CRNKL1: variants seen among roughly 807,000 people sequenced by gnomAD.
CRNKL1 encodes crooked neck pre-mRNA splicing factor 1, also known as crooked neck-like protein 1.
Under a neutral mutation model 103.7 loss-of-function variants are expected in CRNKL1, and 35 were observed. The observed-to-expected ratio is 0.34, with a 90% confidence interval of 0.26 to 0.45. The LOEUF is 0.45. Among genes scored for constraint, CRNKL1 ranks in the 20% least tolerant of loss-of-function variants. The probability of loss-of-function intolerance (pLI) is 1.00; values close to 1 mark genes in which losing one functional copy is unlikely to be tolerated. For synonymous variants in CRNKL1, 267 were observed against 282.6 expected (o/e 0.94, Z 0.55); for missense variants, 645 against 836.0 (o/e 0.77, Z 2.82).
At chr20:20,043,991 C>T (rs1391065323) in intron 6 of CRNKL1, among the ~76,000 whole-genome samples, 1 of 152,188 alleles carries the variant, frequency 6.6e-6, no homozygotes, top group African/African-American at 2.4e-5. Context: ...TAGGCAAGGC[C>T]TAACCTACAG....
In CRNKL1 at chr20:20,040,670, TC is replaced by T. The variant is rs1202097825; in HGVS notation, c.1305+15del. On this transcript the variant is annotated intron_variant, in intron 10 of 13. Coordinates refer to ENST00000536226, the MANE Select transcript of CRNKL1 (RefSeq NM_001278628.2). Reference sequence around the variant, plus strand: ...CATAGAACTTGATGAGACATCTTGATCCTTTCTTTACTTACCAATGCTCTTC... The same window carrying T: ...CATAGAACTTGATGAGACATCTTGATCTTTCTTTACTTACCAATGCTCTTC... 1.3e-6 allele frequency: 2 copies of T among 1,583,968 alleles called. No homozygotes were observed. The highest frequency in any genetic ancestry group is 1.7e-6 in the Non-Finnish European group (2 of 1,156,290).
chr20:20,040,009 T>G (rs571629123), intron 10 of CRNKL1, among the ~76,000 whole-genome samples, 161 bp from the exon 11 acceptor site: 1 of 152,320 alleles, frequency 6.6e-6, no homozygotes, highest in African/African-American at 2.4e-5. Flanking sequence ...TTACTGGTTC[T>G]TGACAAAAGG....
At chr20:20,052,715 G>C, upstream of CRNKL1, 1 of 1,608,340 alleles carries the variant, frequency 6.2e-7, no homozygotes, top group Non-Finnish European at 8.5e-7. Flanking sequence ...CTGTCGAGCC[G>C]TGGCGCCCTG....
chr20:20,039,495 CTAA>C, intron 11 of CRNKL1, 111 bp downstream of exon 11: 10 of 1,300,086 alleles, frequency 7.7e-6, no homozygotes, highest in Non-Finnish European at 1.1e-5. Context: ...GTAGAAGAGA[CTAA>C]GTTAGTTAGA....
Position 20,048,405 on chromosome 20 carries a change from G to A in CRNKL1, c.393C>T (p.Val131=), listed in dbSNP as rs147954238. The A allele has an allele frequency of 1.5e-4, 248 of 1,614,074 alleles. No homozygotes were observed. The highest frequency in any genetic ancestry group is 1.6e-4 in the Middle Eastern group (1 of 6,084). Residue 131 remains valine (V), a synonymous_variant, in exon 4 of 14, where the codon GTC becomes GTT. Coordinates refer to ENST00000536226, the MANE Select transcript of CRNKL1 (RefSeq NM_001278628.2). Reference sequence around the variant, plus strand: ...GGTCCCAGATATTTCGAGCATGGTTGACTTGGCGATTCTTCATTTCCATTT... The same window carrying A: ...GGTCCCAGATATTTCGAGCATGGTTAACTTGGCGATTCTTCATTTCCATTT... ...YAEMEMKNRQ[V]NHARNIWDRA...
chr20:20,035,003 A>ACTC lies in CRNKL1; in HGVS notation c.*1189_*1191dup. On this transcript the variant is annotated 3_prime_UTR_variant, in exon 14 of 14. Coordinates refer to ENST00000536226, the MANE Select transcript of CRNKL1 (RefSeq NM_001278628.2). ...GAAACACAGTCCAGGTTAAAGGAAAACTCTCAGATCGGTTAATGCAGTTGA... is the reference window on the plus strand; with the variant it reads ...GAAACACAGTCCAGGTTAAAGGAAAACTCCTCTCAGATCGGTTAATGCAGTTGA... 6.6e-6 allele frequency: 1 copy of ACTC among 152,208 alleles called. No individual in the cohort carries two copies. The highest frequency in any genetic ancestry group is 2.4e-5 in the African/African-American group (1 of 41,520). 9.4% of individuals were successfully genotyped at this position (152,208 alleles called of 1,614,324 possible). A position where few individuals can be genotyped will look rare whatever the true frequency, so the allele number is the denominator to read the frequency against.
Position 20,035,480 on chromosome 20 carries a change from T to TTAGA in CRNKL1, c.*711_*714dup, listed in dbSNP as rs1438202349. On this transcript the variant is annotated 3_prime_UTR_variant, in exon 14 of 14. Coordinates refer to ENST00000536226, the MANE Select transcript of CRNKL1 (RefSeq NM_001278628.2). ...ACTGATGAGCGCCTAACTGAAATTATTAGACTAAATTCTTAGTAAACAATG... is the reference window on the plus strand; with the variant it reads ...ACTGATGAGCGCCTAACTGAAATTATTAGATAGACTAAATTCTTAGTAAACAATG... 2.6e-5 allele frequency: 4 copies of TTAGA among 152,338 alleles called. No homozygotes were observed. In the East Asian group the frequency reaches 5.8e-4, roughly 22 times the overall value. The allele number at this position is 152,338 out of a possible 1,614,324, so 9.4% of individuals were successfully genotyped here.
upstream of CRNKL1, among the ~76,000 whole-genome samples, chr20:20,055,604 T>G (rs1041199328): frequency 6.6e-6 from 1 of 152,208 alleles, no homozygotes; most frequent in Non-Finnish European, 1.5e-5. Context: ...CTTGTTTTCT[T>G]TTTACCAAAG....
Position 20,048,339 on chromosome 20 carries a change from T to C in CRNKL1, c.455+4A>G. On this transcript the variant is annotated splice_donor_region_variant and intron_variant, in intron 4 of 13. Coordinates refer to ENST00000536226, the MANE Select transcript of CRNKL1 (RefSeq NM_001278628.2). ...AAGGCTGTTTTGTTAGATCAGAAAC[T>C]TACCAGAACTGATTAACTCGAGGCA... The C allele has an allele frequency of 1.2e-6, 2 of 1,613,864 alleles. No homozygotes were observed. Among genetic ancestry groups the C allele is most frequent in the Non-Finnish European group, 1.7e-6 (2 of 1,179,800 alleles).
intron 11 of CRNKL1, chr20:20,038,687 T>C (rs921751209): frequency 2.7e-6 from 1 of 366,942 alleles, no homozygotes; most frequent in Non-Finnish European, 4.8e-6. Context: ...AGATTCTCTT[T>C]GGAAGTTTTT....
chr20:20,041,392 A>G lies in CRNKL1; in HGVS notation c.1224+174T>C, dbSNP rs45512593. ...GTTTGTCAATGCAGGTTGTCCTCCA[A>G]CCTAGTCTGTGAGCTGTTTTCAGAG... is the stretch of plus-strand genomic sequence containing the variant. On this transcript the variant is annotated intron_variant, in intron 9 of 13. Coordinates refer to ENST00000536226, the MANE Select transcript of CRNKL1 (RefSeq NM_001278628.2). Among the ~76,000 whole-genome samples the G allele has an allele frequency of 5.5e-3, 838 of 152,290 alleles. 3 individuals are homozygous for G. Among genetic ancestry groups the G allele is most frequent in the South Asian group, 8.7e-3 (42 of 4,826 alleles).
upstream of CRNKL1, among the ~76,000 whole-genome samples, chr20:20,053,500 T>G (rs1448701446): frequency 6.6e-6 from 1 of 152,236 alleles, no homozygotes; most frequent in Non-Finnish European, 1.5e-5. Flanking sequence ...GTTGGACAAA[T>G]GTATAATGAC....
chr20:20,038,379 C>T lies in CRNKL1; in HGVS notation c.1617G>A (p.Arg539=). 6.4e-7 allele frequency: 1 copy of T among 1,552,366 alleles called. No individual in the cohort carries two copies. Among genetic ancestry groups the T allele is most frequent in the Non-Finnish European group, 8.7e-7 (1 of 1,147,130 alleles). The stretch of plus-strand genomic sequence containing the variant: ...CATGCTGCGTCCGTTGAAGCAACCG[C>T]CGGTAAAGGTTTCGTGTTCTTTCTG... ...EETERTRNLY[R]RLLQRTQHVK... Residue 539 remains arginine, a synonymous_variant, in exon 12 of 14, where the codon CGG becomes CGA. Transcript: ENST00000536226.
At chr20:20,055,199 A>G (rs1057453838), upstream of CRNKL1, among the ~76,000 whole-genome samples, 1 of 151,702 alleles carries the variant, frequency 6.6e-6, no homozygotes, top group Non-Finnish European at 1.5e-5. Flanking sequence ...TTCTCTTTCT[A>G]TATTTCTTTA....
intron 6 of CRNKL1, 137 bp from the exon 7 acceptor site, chr20:20,043,799 T>C (rs2043553269): frequency 1.3e-6 from 1 of 758,164 alleles, no homozygotes; most frequent in South Asian, 1.9e-5. Context: ...GATGCTTTTC[T>C]CCCTCTTGTT....
At chr20:20,042,198 C>T (rs560360739) in intron 8 of CRNKL1, 127 bp downstream of exon 8, 2 of 810,350 alleles carry the variant, frequency 2.5e-6, no homozygotes, top group South Asian at 4.6e-5. Context: ...TATGGATGAA[C>T]AGAAGCCTAT....
At chr20:20,040,266 C>T (rs558526340) in intron 10 of CRNKL1, among the ~76,000 whole-genome samples, 6 of 150,272 alleles carry the variant, frequency 4.0e-5, no homozygotes, top group South Asian at 4.2e-4. Context: ...GAGCCAAGAT[C>T]GCGCTACTGC....
At chr20:20,052,471 G>A (rs372828683), upstream of CRNKL1, 8 of 1,614,124 alleles carry the variant, frequency 5.0e-6, no homozygotes, top group African/African-American at 4.0e-5. Flanking sequence ...GGAACTTGCA[G>A]GACTGACCTT....
chr20:20,037,297 G>A (rs2043435681), intron 13 of CRNKL1, 26 bp downstream of exon 13: 1 of 1,604,122 alleles, frequency 6.2e-7, no homozygotes, highest in Non-Finnish European at 8.5e-7. Context: ...GACGTGAGAT[G>A]AACAGTCCCA....
Sources: gnomAD v4.1 joint callset for allele counts (sites outside exome capture counted in the v4.1 genomes callset) on GRCh38, gnomAD v4.1.1 for gene constraint, MANE v1.5 for transcripts, NCBI Gene and HGNC (gene_info 2026-07-23, HGNC 2026-07-21) for gene names.